Variants in GPR158 observed in about 807,000 individuals in gnomAD.
GPR158 encodes G protein-coupled receptor 158.
Under a neutral mutation model 78.2 loss-of-function variants are expected in GPR158, and 30 were observed. That is an observed-to-expected ratio of 0.38 (90% CI 0.29 to 0.52). GPR158 has a LOEUF of 0.52. Ranked by LOEUF, GPR158 falls within the 20% of genes least tolerant of loss-of-function variation. The pLI, the probability that GPR158 is intolerant of heterozygous loss-of-function variation, is 0.83. For synonymous variants in GPR158, 581 were observed against 591.1 expected, an observed-to-expected ratio of 0.98 and a Z score of 0.25; for missense variants, 1,463 against 1,523.5, an observed-to-expected ratio of 0.96 and a Z score of 0.66.
intron 2 of GPR158, among the ~76,000 whole-genome samples, chr10:25,293,980 C>A (rs759093855): frequency 7.2e-5 from 11 of 152,066 alleles, no homozygotes; most frequent in African/African-American, 1.4e-4. Context: ...CTCCTGACCT[C>A]GTGATTCACC....
chr10:25,522,657 G>C (rs1461450817), intron 5 of GPR158, among the ~76,000 whole-genome samples: 3 of 152,176 alleles, frequency 2.0e-5, no homozygotes, highest in Admixed American at 1.3e-4. Flanking sequence ...ATACAAGTTT[G>C]AAAACTCACA....
At chr10:25,352,688 A>G (rs1221758522) in intron 2 of GPR158, among the ~76,000 whole-genome samples, 1 of 152,032 alleles carries the variant, frequency 6.6e-6, no homozygotes. Context: ...GATTCTAGAG[A>G]TACCTTCTAG....
chr10:25,578,224 T>C (rs1262312208), intron 7 of GPR158, among the ~76,000 whole-genome samples: 1 of 152,224 alleles, frequency 6.6e-6, no homozygotes, highest in Non-Finnish European at 1.5e-5. Flanking sequence ...TGCTCCTCCC[T>C]CTTGTAGCTA....
intron 6 of GPR158, among the ~76,000 whole-genome samples, chr10:25,567,931 A>G (rs11014612): frequency 0.28 from 42,808 of 152,040 alleles, 10,793 homozygotes; most frequent in African/African-American, 0.65. Flanking sequence ...GGCAGTGAGG[A>G]TGGAGAAAAA....
At chr10:25,388,383 A>G (rs922079548) in intron 2 of GPR158, among the ~76,000 whole-genome samples, 1 of 152,190 alleles carries the variant, frequency 6.6e-6, no homozygotes, top group Non-Finnish European at 1.5e-5. Flanking sequence ...TTGCATGGCC[A>G]GGCAGAACCT....
At chr10:25,393,424 G>A (rs1020443984) in intron 2 of GPR158, 3 of 152,156 alleles carry the variant, frequency 2.0e-5, no homozygotes, top group Non-Finnish European at 4.4e-5. Context: ...ATCCTTGCTG[G>A]ATGAATATTT....
chr10:25,375,849 C>T (rs959156050), intron 2 of GPR158, among the ~76,000 whole-genome samples: 11 of 151,378 alleles, frequency 7.3e-5, no homozygotes, highest in Admixed American at 3.3e-4. Context: ...TCTTCCTTGT[C>T]GCAATTGTTT....
intron 2 of GPR158, among the ~76,000 whole-genome samples, chr10:25,310,969 C>T (rs953509850): frequency 6.6e-6 from 1 of 151,942 alleles, no homozygotes; most frequent in Non-Finnish European, 1.5e-5. Flanking sequence ...TATGTCTCTT[C>T]TTTTAGCCCC....
chr10:25,427,163 A>G (rs1248385740), intron 4 of GPR158, among the ~76,000 whole-genome samples: 1 of 152,090 alleles, frequency 6.6e-6, no homozygotes, highest in East Asian at 1.9e-4. Context: ...AGAGAAGGTT[A>G]AAGAGAAATA....
chr10:25,577,605 C>T (rs1410905541), intron 7 of GPR158, among the ~76,000 whole-genome samples: 3 of 152,152 alleles, frequency 2.0e-5, no homozygotes, highest in Non-Finnish European at 4.4e-5. Flanking sequence ...AAAGACCGGG[C>T]TCATTCTATT....
intron 2 of GPR158, among the ~76,000 whole-genome samples, chr10:25,279,078 A>G (rs1212769313): frequency 6.6e-6 from 1 of 152,136 alleles, no homozygotes; most frequent in African/African-American, 2.4e-5. Context: ...AAAATATTGT[A>G]CAAAAATAAC....
chr10:25,319,839 A>AT (rs1564421354), intron 2 of GPR158, among the ~76,000 whole-genome samples: 45 of 150,332 alleles, frequency 3.0e-4, no homozygotes, highest in African/African-American at 1.1e-3. Context: ...CCAAAAAAAA[A>AT]CCCTGACCTG....
intron 2 of GPR158, among the ~76,000 whole-genome samples, chr10:25,331,533 C>A (rs9663151): frequency 0.16 from 24,135 of 152,098 alleles, 3,858 homozygotes; most frequent in African/African-American, 0.41. Context: ...TCCATGAACC[C>A]GTAGCAGAAA....
intron 2 of GPR158, among the ~76,000 whole-genome samples, chr10:25,350,555 A>G (rs1009078462): frequency 1.3e-5 from 2 of 152,008 alleles, no homozygotes; most frequent in African/African-American, 4.8e-5. Flanking sequence ...GTTTTTTCCT[A>G]ATTTTAAAAG....
chr10:25,187,570 C>T (rs1274263541), intron 1 of GPR158, among the ~76,000 whole-genome samples: 1 of 152,086 alleles, frequency 6.6e-6, no homozygotes, highest in Non-Finnish European at 1.5e-5. Flanking sequence ...AGGCCTTCGA[C>T]AAAATTCAAC....
At chr10:25,510,558 T>C (rs1243063587) in intron 5 of GPR158, among the ~76,000 whole-genome samples, 1 of 150,430 alleles carries the variant, frequency 6.6e-6, no homozygotes, top group African/African-American at 2.5e-5. Context: ...TTATTTATTA[T>C]GTTTTATTTC....
At chr10:25,255,800 C>T (rs1294008441) in intron 2 of GPR158, among the ~76,000 whole-genome samples, 1 of 152,142 alleles carries the variant, frequency 6.6e-6, no homozygotes, top group Non-Finnish European at 1.5e-5. Flanking sequence ...CATTTTGACT[C>T]AAAATCAACT....
intron 2 of GPR158, among the ~76,000 whole-genome samples, chr10:25,287,062 G>T (rs1458249669): frequency 6.6e-6 from 1 of 151,874 alleles, no homozygotes; most frequent in East Asian, 1.9e-4. Context: ...ATCTGTTTTA[G>T]GCAGATACTG....
chr10:25,572,571 C>A, intron 6 of GPR158, 78 bp from the exon 7 acceptor site: 1 of 956,336 alleles, frequency 1.0e-6, no homozygotes, highest in Non-Finnish European at 1.7e-6. Context: ...TACATTTTAC[C>A]TAGAAAAATA....
Sources: gnomAD v4.1 joint callset for allele counts (sites outside exome capture counted in the v4.1 genomes callset) on GRCh38, gnomAD v4.1.1 for gene constraint, MANE v1.5 for transcripts, NCBI Gene and HGNC (gene_info 2026-07-23, HGNC 2026-07-21) for gene names.